CTNNA2: variants seen among roughly 807,000 people sequenced by gnomAD.
CTNNA2 encodes the protein catenin alpha 2, also known as catenin alpha-2.
Under a neutral mutation model 101.0 loss-of-function variants are expected in CTNNA2, and 42 were observed. That is an observed-to-expected ratio of 0.42 (90% CI 0.32 to 0.54). CTNNA2 has a LOEUF of 0.54. Among genes scored for constraint, CTNNA2 ranks in the 20% least tolerant of loss-of-function variants. CTNNA2 has a pLI of 0.14. For synonymous variants in CTNNA2, 450 were observed against 456.4 expected (o/e 0.99, Z 0.18); for missense variants, 871 against 1,223.1 (o/e 0.71, Z 4.29).
intron 4 of CTNNA2, among the ~76,000 whole-genome samples, chr2:79,461,042 A>C (rs1200744066): frequency 6.6e-6 from 1 of 151,944 alleles, no homozygotes; most frequent in Non-Finnish European, 1.5e-5. Context: ...AGATTTCACT[A>C]TGTTGGCCAG....
In CTNNA2 at chr2:80,383,210, C is replaced by A. The variant is rs187019727; in HGVS notation, c.1057-10001C>A. On this transcript the variant is annotated intron_variant, in intron 7 of 18. Coordinates refer to ENST00000402739, the MANE Select transcript of CTNNA2 (RefSeq NM_001282597.3). Reference sequence around the variant, plus strand: ...ATAAATCAAGGAACAAGAATTGTAACCTTACACAGGTGCCAACTACTTCCT... The same window carrying A: ...ATAAATCAAGGAACAAGAATTGTAAACTTACACAGGTGCCAACTACTTCCT... 7.2e-5 allele frequency among the ~76,000 whole-genome samples: 11 copies of A among 152,264 alleles called. No individual in the cohort carries two copies. The East Asian group carries it at 1.7e-3, about 24-fold the overall frequency.
chr2:79,757,887 A>C (rs1672502187), intron 3 of CTNNA2, among the ~76,000 whole-genome samples: 1 of 152,194 alleles, frequency 6.6e-6, no homozygotes, highest in South Asian at 2.1e-4. Context: ...GATGCATGTA[A>C]AGTACTTAGC....
chr2:79,819,808 T>C (rs1210489402), intron 3 of CTNNA2, among the ~76,000 whole-genome samples: 2 of 152,142 alleles, frequency 1.3e-5, no homozygotes, highest in Non-Finnish European at 2.9e-5. Flanking sequence ...GGAATTAGAA[T>C]GTTCCTAACA....
intron 9 of CTNNA2, among the ~76,000 whole-genome samples, chr2:80,535,704 C>T (rs997647929): frequency 2.0e-5 from 3 of 152,164 alleles, no homozygotes; most frequent in African/African-American, 7.2e-5. Flanking sequence ...TCCTGTCCCC[C>T]AGTGTACTTA....
At chr2:79,384,877 T>C (rs1678080410) in intron 4 of CTNNA2, among the ~76,000 whole-genome samples, 1 of 152,208 alleles carries the variant, frequency 6.6e-6, no homozygotes, top group Non-Finnish European at 1.5e-5. Flanking sequence ...TTTGGTTCGA[T>C]ATCACATAAA....
At chr2:80,013,372 G>A (rs2104036963) in intron 7 of CTNNA2, among the ~76,000 whole-genome samples, 1 of 152,302 alleles carries the variant, frequency 6.6e-6, no homozygotes, top group African/African-American at 2.4e-5. Flanking sequence ...TATTTTAGGG[G>A]AGGAGAAAAG....
chr2:80,631,526 G>T (rs1325402028), intron 18 of CTNNA2, among the ~76,000 whole-genome samples: 1 of 152,068 alleles, frequency 6.6e-6, no homozygotes, highest in Non-Finnish European at 1.5e-5. Flanking sequence ...GGACCAAAGA[G>T]ATGATATTTC....
intron 7 of CTNNA2, among the ~76,000 whole-genome samples, chr2:80,247,863 C>G (rs1267924754): frequency 1.3e-5 from 2 of 152,120 alleles, no homozygotes; most frequent in Admixed American, 1.3e-4. Flanking sequence ...TAAATAGATT[C>G]TTATATTGGT....
At chr2:79,966,003 T>A (rs1027542257) in intron 7 of CTNNA2, among the ~76,000 whole-genome samples, 2 of 152,118 alleles carry the variant, frequency 1.3e-5, no homozygotes, top group African/African-American at 4.8e-5. Context: ...TATTTTTTGC[T>A]TGCCCACAAA....
intron 7 of CTNNA2, among the ~76,000 whole-genome samples, chr2:80,143,277 A>G (rs909664798): frequency 6.6e-5 from 10 of 152,284 alleles, no homozygotes; most frequent in African/African-American, 1.4e-4. Flanking sequence ...AATGACTTCT[A>G]TGTATTTTTT....
intron 6 of CTNNA2, among the ~76,000 whole-genome samples, chr2:79,889,499 A>T (rs1684156316): frequency 6.6e-6 from 1 of 152,202 alleles, no homozygotes; most frequent in Non-Finnish European, 1.5e-5. Context: ...CATGCTAAAC[A>T]ATGGTGGGAC....
intron 8 of CTNNA2, among the ~76,000 whole-genome samples, chr2:80,408,346 A>G (rs1287049071): frequency 6.6e-6 from 1 of 152,182 alleles, no homozygotes; most frequent in East Asian, 1.9e-4. Context: ...AAGAAATAAT[A>G]GTTTTTGAGA....
chr2:80,273,731 G>A (rs1446101169), intron 7 of CTNNA2, among the ~76,000 whole-genome samples: 1 of 151,940 alleles, frequency 6.6e-6, no homozygotes, highest in African/African-American at 2.4e-5. Context: ...GCTTGCAATA[G>A]GTATCTGTTT....
At chr2:80,005,431 G>A (rs946060538) in intron 7 of CTNNA2, among the ~76,000 whole-genome samples, 2 of 152,108 alleles carry the variant, frequency 1.3e-5, no homozygotes, top group Non-Finnish European at 2.9e-5. Context: ...TTATCATGGT[G>A]AGCTTAACAG....
chr2:79,962,048 T>C (rs1415453246), intron 7 of CTNNA2, among the ~76,000 whole-genome samples: 1 of 152,200 alleles, frequency 6.6e-6, no homozygotes, highest in Non-Finnish European at 1.5e-5. Context: ...TCTTCGTCTG[T>C]TACTGCCATG....
intron 7 of CTNNA2, among the ~76,000 whole-genome samples, chr2:80,060,229 G>A (rs1456345094): frequency 1.3e-5 from 2 of 152,266 alleles, no homozygotes; most frequent in East Asian, 3.9e-4. Context: ...AACCACCCTT[G>A]TAAGACATCT....
chr2:80,635,312 GA>G, intron 18 of CTNNA2, among the ~76,000 whole-genome samples: 1 of 152,114 alleles, frequency 6.6e-6, no homozygotes, highest in South Asian at 2.1e-4. Context: ...AAAGAAGACA[GA>G]AAAAGTTCAA....
chr2:79,963,142 T>C (rs143871467), intron 7 of CTNNA2, among the ~76,000 whole-genome samples: 1 of 151,372 alleles, frequency 6.6e-6, no homozygotes, highest in East Asian at 1.9e-4. Flanking sequence ...TGCCTAAAGA[T>C]TGTGTTCTAA....
chr2:79,886,750 C>CAAAA (rs1168632966), intron 6 of CTNNA2, among the ~76,000 whole-genome samples: 800 of 23,252 alleles, frequency 0.034, 209 homozygotes, highest in East Asian at 0.29. Context: ...GACTCCATCT[C>CAAAA]AAAAAAAAAA....
Sources: gnomAD v4.1 joint callset for allele counts (sites outside exome capture counted in the v4.1 genomes callset) on GRCh38, gnomAD v4.1.1 for gene constraint, MANE v1.5 for transcripts, NCBI Gene and HGNC (gene_info 2026-07-23, HGNC 2026-07-21) for gene names.